Variants in HS6ST3 observed in about 807,000 individuals in gnomAD.
The protein encoded by HS6ST3 is heparan-sulfate 6-O-sulfotransferase 3.
HS6ST3 carries 12 observed loss-of-function variants against 36.7 expected under a neutral mutation model. The ratio of observed to expected loss-of-function variants is 0.33; its 90% CI spans 0.21 to 0.53. HS6ST3 has a LOEUF of 0.53. HS6ST3 is among the 20% of genes least tolerant of loss of function. The pLI, the probability that HS6ST3 is intolerant of heterozygous loss-of-function variation, is 0.95. For synonymous variants in HS6ST3, 240 were observed against 257.5 expected (o/e 0.93, Z 0.65); for missense variants, 584 against 640.9 (o/e 0.91, Z 0.96).
intron 1 of HS6ST3, among the ~76,000 whole-genome samples, chr13:96,776,608 C>A (rs1401058809): frequency 6.6e-6 from 1 of 152,136 alleles, no homozygotes; most frequent in African/African-American, 2.4e-5. Flanking sequence ...TTGATGAATT[C>A]CTGGACACAT....
chr13:96,694,407 T>C (rs1250656609), intron 1 of HS6ST3, among the ~76,000 whole-genome samples: 1 of 152,230 alleles, frequency 6.6e-6, no homozygotes, highest in African/African-American at 2.4e-5. Flanking sequence ...CTTTATCCAG[T>C]CTGCTATTGA....
At chr13:96,107,731 A>G (rs1735598621) in intron 1 of HS6ST3, among the ~76,000 whole-genome samples, 1 of 152,182 alleles carries the variant, frequency 6.6e-6, no homozygotes, top group Non-Finnish European at 1.5e-5. Flanking sequence ...TAGTTCCCCA[A>G]ATTAATACAT....
At chr13:96,143,131 C>T (rs973000725) in intron 1 of HS6ST3, among the ~76,000 whole-genome samples, 1 of 151,998 alleles carries the variant, frequency 6.6e-6, no homozygotes, top group African/African-American at 2.4e-5. Context: ...TTTGAAATGT[C>T]TCTGTGGATG....
At chr13:96,665,632 GC>G (rs1279364468) in intron 1 of HS6ST3, among the ~76,000 whole-genome samples, 1 of 152,114 alleles carries the variant, frequency 6.6e-6, no homozygotes, top group Non-Finnish European at 1.5e-5. Context: ...ATTTCTTGAA[GC>G]TAAACCTATG....
At chr13:96,758,042 G>T (rs1484967182) in intron 1 of HS6ST3, among the ~76,000 whole-genome samples, 1 of 151,858 alleles carries the variant, frequency 6.6e-6, no homozygotes, top group African/African-American at 2.4e-5. Context: ...ATTATAGAAT[G>T]ACCAGTTAAT....
chr13:96,517,631 A>T (rs1191422995), intron 1 of HS6ST3, among the ~76,000 whole-genome samples: 1 of 152,116 alleles, frequency 6.6e-6, no homozygotes, highest in Non-Finnish European at 1.5e-5. Flanking sequence ...CTTGGGGCAC[A>T]TGTGCAGGTT....
intron 1 of HS6ST3, among the ~76,000 whole-genome samples, chr13:96,376,118 G>A (rs752268613): frequency 5.3e-5 from 8 of 152,154 alleles, no homozygotes; most frequent in African/African-American, 9.7e-5. Context: ...GACTCCAGTC[G>A]TAAGAGCAGA....
At chr13:96,143,424 C>A (rs2054041787) in intron 1 of HS6ST3, among the ~76,000 whole-genome samples, 1 of 147,926 alleles carries the variant, frequency 6.8e-6, no homozygotes, top group African/African-American at 2.5e-5. Context: ...TTTTCTTAAG[C>A]AAATATATAA....
At chr13:96,211,861 A>C (rs1292371599) in intron 1 of HS6ST3, among the ~76,000 whole-genome samples, 1 of 152,216 alleles carries the variant, frequency 6.6e-6, no homozygotes, top group African/African-American at 2.4e-5. Context: ...AGAAAACACA[A>C]AACCTTTTTT....
intron 1 of HS6ST3, among the ~76,000 whole-genome samples, chr13:96,393,334 C>A (rs994304020): frequency 6.6e-6 from 1 of 152,020 alleles, no homozygotes; most frequent in East Asian, 1.9e-4. Flanking sequence ...CCTAGGGAGA[C>A]CTTAGGTAGC....
intron 1 of HS6ST3, among the ~76,000 whole-genome samples, chr13:96,299,255 T>G (rs1594746640): frequency 6.6e-6 from 1 of 152,340 alleles, no homozygotes; most frequent in Non-Finnish European, 1.5e-5. Flanking sequence ...AATACAAAAG[T>G]CTACGGAGGT....
intron 1 of HS6ST3, among the ~76,000 whole-genome samples, chr13:96,636,535 T>C (rs1208533851): frequency 6.6e-6 from 1 of 152,088 alleles, no homozygotes; most frequent in Non-Finnish European, 1.5e-5. Flanking sequence ...AATCAACTGA[T>C]TTCTCATCCT....
chr13:96,831,954 C>CAATAAAAAAAA (rs1878795514), intron 1 of HS6ST3, among the ~76,000 whole-genome samples: 1 of 21,858 alleles, frequency 4.6e-5, no homozygotes, highest in Non-Finnish European at 7.9e-5. Flanking sequence ...GACTCCCTCT[C>CAATAAAAAAAA]AAAAAAAAAA....
At chr13:96,418,912 T>C (rs2055548380) in intron 1 of HS6ST3, among the ~76,000 whole-genome samples, 1 of 152,224 alleles carries the variant, frequency 6.6e-6, no homozygotes, top group Admixed American at 6.5e-5. Context: ...CTCAGCCAAC[T>C]GGCTGTCCTT....
intron 1 of HS6ST3, among the ~76,000 whole-genome samples, chr13:96,796,973 G>C (rs1469435452): frequency 1.3e-5 from 2 of 152,100 alleles, no homozygotes; most frequent in Middle Eastern, 3.4e-3. Context: ...CACTTGCCAG[G>C]CATCAAACTA....
chr13:96,288,653 C>A (rs1316773213), intron 1 of HS6ST3, among the ~76,000 whole-genome samples: 1 of 151,910 alleles, frequency 6.6e-6, no homozygotes, highest in African/African-American at 2.4e-5. Flanking sequence ...TGATAAAGAC[C>A]ATTTACTAAT....
At chr13:96,147,217 T>TA (rs1431001209) in intron 1 of HS6ST3, among the ~76,000 whole-genome samples, 2 of 152,216 alleles carry the variant, frequency 1.3e-5, no homozygotes, top group African/African-American at 4.8e-5. Flanking sequence ...GTATCATTCA[T>TA]AAAAAATCCA....
At chr13:96,326,180 ATT>A (rs35384242) in intron 1 of HS6ST3, among the ~76,000 whole-genome samples, 6 of 149,168 alleles carry the variant, frequency 4.0e-5, no homozygotes, top group East Asian at 2.0e-4. Context: ...TTTTTTTTTA[ATT>A]TTTTTTTATT....
intron 1 of HS6ST3, among the ~76,000 whole-genome samples, chr13:96,173,274 A>AT (rs2054196837): frequency 6.6e-6 from 1 of 152,208 alleles, no homozygotes; most frequent in Admixed American, 6.5e-5. Context: ...TCTCCCAGAG[A>AT]TTAAGTGACT....
Sources: allele counts gnomAD v4.1 joint callset (sites outside exome capture counted in the v4.1 genomes callset), GRCh38; gene constraint gnomAD v4.1.1; transcripts MANE v1.5; gene names NCBI Gene and HGNC (gene_info 2026-07-23, HGNC 2026-07-21).